ANKRD33B: variants seen among roughly 807,000 people sequenced by gnomAD.
The protein encoded by ANKRD33B is ankyrin repeat domain 33B, also known as ankyrin repeat domain-containing protein 33B.
ANKRD33B carries 6 observed loss-of-function variants against 21.5 expected under a neutral mutation model. That is an observed-to-expected ratio of 0.28 (90% CI 0.15 to 0.55). ANKRD33B has a LOEUF of 0.55. ANKRD33B is among the 20% of genes least tolerant of loss of function. ANKRD33B has a pLI of 0.94. For missense variants in ANKRD33B, 698 were observed against 747.2 expected (o/e 0.93, Z 0.77); for synonymous variants, 347 against 342.4 (o/e 1.01, Z -0.15).
intron 1 of ANKRD33B, among the ~76,000 whole-genome samples, chr5:10,579,112 C>T (rs927919261): frequency 3.3e-5 from 5 of 149,902 alleles, no homozygotes; most frequent in African/African-American, 1.2e-4. Flanking sequence ...TGCAGTGAGC[C>T]GTGATCGCGC....
chr5:10,589,191 C>T (rs1436595995), intron 1 of ANKRD33B, among the ~76,000 whole-genome samples: 1 of 152,092 alleles, frequency 6.6e-6, no homozygotes, highest in Non-Finnish European at 1.5e-5. Context: ...CCTAGGTAAC[C>T]CCATAAAGGA....
chr5:10,575,943 G>A (rs1353119919), intron 1 of ANKRD33B, among the ~76,000 whole-genome samples: 1 of 151,808 alleles, frequency 6.6e-6, no homozygotes, highest in Non-Finnish European at 1.5e-5. Context: ...GTTACAGGAA[G>A]CTACGTGGGG....
chr5:10,624,345 G>A (rs1579742666), intron 2 of ANKRD33B, among the ~76,000 whole-genome samples: 1 of 152,226 alleles, frequency 6.6e-6, no homozygotes, highest in South Asian at 2.1e-4. Flanking sequence ...GGCCAGACTG[G>A]TTTTGAACTC....
rs1737527280 is a variant in ANKRD33B, at chr5:10,657,733, G to A, written c.*7620G>A. ...ACTTCTAACAAATTATGTATCTAAT[G>A]TTTAAAAAATATGGAAAAAAGGGAT... On this transcript the variant is annotated 3_prime_UTR_variant, in exon 4 of 4. Coordinates refer to ENST00000296657, the MANE Select transcript of ANKRD33B (RefSeq NM_001164440.2). 2 of 152,254 alleles carry A rather than the reference G, an allele frequency of 1.3e-5. No homozygotes were observed. The highest frequency in any genetic ancestry group is 2.4e-5 in the African/African-American group (1 of 41,434). The allele number at this position is 152,254 out of a possible 1,614,324, so 9.4% of individuals were successfully genotyped here.
chr5:10,624,175 G>T (rs1431694513), intron 2 of ANKRD33B, among the ~76,000 whole-genome samples: 3 of 146,166 alleles, frequency 2.1e-5, no homozygotes, highest in African/African-American at 7.7e-5. Flanking sequence ...TATCGCCCAG[G>T]CTGGGGTGCA....
intron 1 of ANKRD33B, among the ~76,000 whole-genome samples, chr5:10,575,374 C>T (rs992875183): frequency 2.0e-5 from 3 of 146,944 alleles, no homozygotes; most frequent in Non-Finnish European, 3.0e-5. Context: ...TGCAGTGAGC[C>T]GAGATCGCAC....
In ANKRD33B at chr5:10,622,987, G is replaced by A. The variant is rs373415076; in HGVS notation, c.496+4525G>A. On this transcript the variant is annotated intron_variant, in intron 2 of 3. Transcript: ENST00000296657. Reference sequence around the variant, plus strand: ...GGCTCAGTGCCCAGCAGCCTGGGGCGTGGTGGGAAGAACTCGGGTCCAGGT... The same window carrying A: ...GGCTCAGTGCCCAGCAGCCTGGGGCATGGTGGGAAGAACTCGGGTCCAGGT... 7.2e-5 allele frequency among the ~76,000 whole-genome samples: 11 copies of A among 152,158 alleles called. No homozygotes were observed. In the East Asian group the frequency reaches 7.7e-4, roughly 11 times the overall value.
intron 1 of ANKRD33B, among the ~76,000 whole-genome samples, chr5:10,604,204 T>TC (rs1455724519): frequency 2.7e-5 from 4 of 148,086 alleles, no homozygotes; most frequent in Non-Finnish European, 6.0e-5. Context: ...TTTTTTTTTT[T>TC]TTTTTCAGAC....
At chr5:10,600,996 C>A (rs1414061943) in intron 1 of ANKRD33B, among the ~76,000 whole-genome samples, 2 of 152,010 alleles carry the variant, frequency 1.3e-5, no homozygotes, top group Non-Finnish European at 2.9e-5. Flanking sequence ...TGAACACCTG[C>A]AGAACAGACA....
chr5:10,643,734 C>T (rs776119830), intron 3 of ANKRD33B, among the ~76,000 whole-genome samples: 4 of 149,176 alleles, frequency 2.7e-5, no homozygotes, highest in Admixed American at 6.8e-5. Flanking sequence ...GCAAGAGAAT[C>T]GCTTGAACCT....
intron 1 of ANKRD33B, among the ~76,000 whole-genome samples, chr5:10,616,804 T>C (rs1736294676): frequency 6.6e-6 from 1 of 152,236 alleles, no homozygotes; most frequent in African/African-American, 2.4e-5. Flanking sequence ...ACGAGGTCTC[T>C]TCGTCAACTT....
chr5:10,648,492 G>T (rs1159038878), intron 3 of ANKRD33B, among the ~76,000 whole-genome samples: 1 of 152,264 alleles, frequency 6.6e-6, no homozygotes, highest in Non-Finnish European at 1.5e-5. Context: ...AGGCGCAGTG[G>T]CTCACGCCTG....
At chr5:10,627,207 T>G (rs1367659408) in intron 2 of ANKRD33B, 1 of 152,164 alleles carries the variant, frequency 6.6e-6, no homozygotes, top group African/African-American at 2.4e-5. Flanking sequence ...TCACCACCGC[T>G]CCACTAACAA....
rs184909025 is a variant in ANKRD33B, at chr5:10,656,554, G to A, written c.*6441G>A. 1,126 of 152,470 alleles carry A rather than the reference G, an allele frequency of 7.4e-3. 10 individuals are homozygous for A. Among genetic ancestry groups the A allele is most frequent in the Non-Finnish European group, 8.1e-3 (551 of 68,080 alleles). The allele number at this position is 152,470 out of a possible 1,614,324, so 9.4% of individuals were successfully genotyped here. On this transcript the variant is annotated 3_prime_UTR_variant, in exon 4 of 4. Coordinates refer to ENST00000296657, the MANE Select transcript of ANKRD33B (RefSeq NM_001164440.2). ...GTCAGATGGAACCTGCTTTGATGGC[G>A]TGTTGTTCAGTGTACTCAGTGGGGT...
At position 10,652,041 on chromosome 5, in the gene ANKRD33B, G is replaced by A. The variant is rs1417894491; in HGVS notation, c.*1928G>A. The A allele has an allele frequency of 4.6e-5, 7 of 152,334 alleles. No homozygotes were observed. The highest frequency in any genetic ancestry group is 1.7e-4 in the African/African-American group (7 of 41,426). The allele number at this position is 152,334 out of a possible 1,614,324, so 9.4% of individuals were successfully genotyped here. ...AGTTGGGATTGGCCATGTCTTCTTC[G>A]AGGAGGTGGAGACTGTAACTGACAC... On this transcript the variant is annotated 3_prime_UTR_variant, in exon 4 of 4. Transcript: ENST00000296657. The surrounding 1 kb of genome is among the most constrained non-coding windows in gnomAD (Gnocchi z 4.1).
Position 10,574,888 on chromosome 5 carries a change from T to G in ANKRD33B, c.366+10055T>G, listed in dbSNP as rs548337952. Among the ~76,000 whole-genome samples the G allele has an allele frequency of 2.6e-3, 37 of 14,296 alleles. 5 individuals carry two copies. Among genetic ancestry groups the G allele is most frequent in the African/African-American group, 3.7e-3 (36 of 9,718 alleles). 9.4% of individuals were successfully genotyped at this position (14,296 alleles called of 152,430 possible). On this transcript the variant is annotated intron_variant, in intron 1 of 3. Coordinates refer to ENST00000296657, the MANE Select transcript of ANKRD33B (RefSeq NM_001164440.2). ...TAAGGCCAGGTGCTCAAGACCAGCGTGGGCAACATAGCAAGACTTTGTCTC... is the reference window on the plus strand; with the variant it reads ...TAAGGCCAGGTGCTCAAGACCAGCGGGGGCAACATAGCAAGACTTTGTCTC...
intron 2 of ANKRD33B, among the ~76,000 whole-genome samples, chr5:10,635,863 C>G (rs546335760): frequency 8.1e-6 from 1 of 123,250 alleles, no homozygotes; most frequent in African/African-American, 2.8e-5. Flanking sequence ...ATTTGCTGAA[C>G]TGAAGGGGCT....
chr5:10,618,432 A>C lies in ANKRD33B; in HGVS notation c.466A>C (p.Asn156His). ...VDVNWQDSEG[N>H]TALITAAQAG... ...CGTCAACTGGCAGGACAGCGAGGGG[A>C]ACACAGCCCTAATCACAGCTGCACA... Residue 156 changes from asparagine to histidine, a missense_variant, in exon 2 of 4, where the codon AAC becomes CAC. This residue lies in a region of ANKRD33B where 543 missense variants were observed against 566.5 expected (regional missense o/e 0.96). Transcript: ENST00000296657. 2 of 1,537,024 alleles carry C rather than the reference A, an allele frequency of 1.3e-6. No homozygotes were observed. Among genetic ancestry groups the C allele is most frequent in the Non-Finnish European group, 8.7e-7 (1 of 1,146,682 alleles).
In ANKRD33B at chr5:10,650,390, T is replaced by C. The variant is rs992784334; in HGVS notation, c.*277T>C. 2 of 270,384 alleles carry C rather than the reference T, an allele frequency of 7.4e-6. No homozygotes were observed. The highest frequency in any genetic ancestry group is 1.4e-5 in the Non-Finnish European group (2 of 144,630). The allele number at this position is 270,384 out of a possible 1,614,324, so 16.7% of individuals were successfully genotyped here. On this transcript the variant is annotated 3_prime_UTR_variant, in exon 4 of 4. Transcript: ENST00000296657. The stretch of plus-strand genomic sequence containing the variant: ...TTAGAGAACCTCAATTAAGATTTTT[T>C]TTAAAGATCAATTTATCAAAGGGCG...
Sources: gnomAD v4.1 joint callset for allele counts (sites outside exome capture counted in the v4.1 genomes callset) on GRCh38, gnomAD v4.1.1 for gene constraint, gnomAD v4.1.1 regional missense constraint, Gnocchi (gnomAD v3.1) non-coding constraint, MANE v1.5 for transcripts, NCBI Gene and HGNC (gene_info 2026-07-23, HGNC 2026-07-21) for gene names.